The following FAM174B variants were observed in gnomAD, a reference collection of about 807,000 sequenced individuals.
FAM174B encodes the protein family with sequence similarity 174 member B.
Under a neutral mutation model 10.9 loss-of-function variants are expected in FAM174B, and 12 were observed. The observed-to-expected ratio is 1.10, with a 90% CI of 0.71 to 1.79. FAM174B has a LOEUF of 1.79. Among genes scored for constraint, FAM174B ranks in the 40% most tolerant of loss-of-function variants. The pLI, the probability that FAM174B is intolerant of heterozygous loss-of-function variation, is 0.00. For synonymous variants in FAM174B, 132 were observed against 115.8 expected, an observed-to-expected ratio of 1.14 and a Z score of -0.90; for missense variants, 266 against 233.3, an observed-to-expected ratio of 1.14 and a Z score of -0.91.
intron 1 of FAM174B, among the ~76,000 whole-genome samples, chr15:92,647,998 A>G (rs1055184503): frequency 6.6e-6 from 1 of 152,312 alleles, no homozygotes; most frequent in South Asian, 2.1e-4. Context: ...ATTGACTTCA[A>G]GTCTTCAGAC....
intron 1 of FAM174B, among the ~76,000 whole-genome samples, chr15:92,638,903 C>T (rs936208169): frequency 1.6e-4 from 25 of 152,338 alleles, no homozygotes; most frequent in Admixed American, 7.8e-4. Flanking sequence ...GCCCCTCCTG[C>T]GTCATCCACA....
At chr15:92,651,228 C>T (rs937612933) in intron 1 of FAM174B, among the ~76,000 whole-genome samples, 4 of 152,272 alleles carry the variant, frequency 2.6e-5, no homozygotes, top group East Asian at 1.9e-4. Context: ...TACACTGGTG[C>T]CTGCTCAAGG....
chr15:92,619,068 A>G lies in FAM174B; in HGVS notation c.*388T>C. The G allele has an allele frequency of 1.6e-6, 1 of 614,902 alleles. No individual in the cohort carries two copies. The highest frequency in any genetic ancestry group is 2.9e-6 in the Non-Finnish European group (1 of 344,500). The allele number at this position is 614,902 out of a possible 1,614,324, so 38.1% of individuals were successfully genotyped here. On this transcript the variant is annotated 3_prime_UTR_variant, in exon 3 of 3. Transcript: ENST00000327355. ...CTAAATACACAGTTGGACATCCTTC[A>G]GGCTTGTTTTAGATTCTTGATCCTC...
At chr15:92,622,249 G>A (rs1466436552) in intron 2 of FAM174B, among the ~76,000 whole-genome samples, 2 of 152,170 alleles carry the variant, frequency 1.3e-5, no homozygotes, top group Admixed American at 6.5e-5. Context: ...CTTAAGAAAC[G>A]CCCACACATA....
chr15:92,620,488 ACTCCGT>A (rs1482329906), intron 2 of FAM174B, among the ~76,000 whole-genome samples: 1 of 151,778 alleles, frequency 6.6e-6, no homozygotes, highest in Non-Finnish European at 1.5e-5. Context: ...ACAGAGCAAG[ACTCCGT>A]CTCAAAAAAA....
intron 1 of FAM174B, among the ~76,000 whole-genome samples, chr15:92,632,613 A>G (rs924731770): frequency 2.0e-5 from 3 of 151,920 alleles, no homozygotes; most frequent in Admixed American, 1.3e-4. Flanking sequence ...GGGCTTAAGC[A>G]ATCCTTTCGC....
chr15:92,627,850 C>T (rs895538655), intron 2 of FAM174B, among the ~76,000 whole-genome samples: 2 of 152,182 alleles, frequency 1.3e-5, no homozygotes, highest in African/African-American at 4.8e-5. Context: ...TTGTATTTTA[C>T]TTCTTTGTAT....
chr15:92,649,409 C>T (rs2050949733), intron 1 of FAM174B, among the ~76,000 whole-genome samples: 1 of 152,190 alleles, frequency 6.6e-6, no homozygotes, highest in Admixed American at 6.5e-5. Context: ...ACAGATGCAC[C>T]TGCCTGATAA....
chr15:92,641,578 G>T (rs144593423), intron 1 of FAM174B, among the ~76,000 whole-genome samples: 1 of 152,170 alleles, frequency 6.6e-6, no homozygotes, highest in East Asian at 1.9e-4. Flanking sequence ...AGATAGAAAA[G>T]ATATCCACAT....
rs923129636 is a variant in FAM174B, at chr15:92,619,180, A to C, written c.*276T>G. 1.4e-6 allele frequency: 1 copy of C among 702,250 alleles called. No homozygotes were observed. The highest frequency in any genetic ancestry group is 2.6e-6 in the Non-Finnish European group (1 of 384,748). The allele number at this position is 702,250 out of a possible 1,614,324, so 43.5% of individuals were successfully genotyped here. On this transcript the variant is annotated 3_prime_UTR_variant, in exon 3 of 3. Coordinates refer to ENST00000327355, the MANE Select transcript of FAM174B (RefSeq NM_207446.3). ...TCTACCCTTTGCTCCTTAGCAAGGC[A>C]CAAAGCCTCTTACATGGGGAGTAGA...
At chr15:92,644,068 A>C (rs564209769) in intron 1 of FAM174B, among the ~76,000 whole-genome samples, 1 of 152,088 alleles carries the variant, frequency 6.6e-6, no homozygotes, top group African/African-American at 2.4e-5. Flanking sequence ...TCCTCAGGAC[A>C]TAAGAAGTAA....
At chr15:92,622,791 C>T (rs951264764) in intron 2 of FAM174B, among the ~76,000 whole-genome samples, 6 of 152,238 alleles carry the variant, frequency 3.9e-5, no homozygotes, top group Non-Finnish European at 5.9e-5. Flanking sequence ...CTGGGAAGAA[C>T]TTATTGCCCC....
chr15:92,640,979 TAA>T (rs1491538700), intron 1 of FAM174B, among the ~76,000 whole-genome samples: 2 of 152,122 alleles, frequency 1.3e-5, no homozygotes, highest in African/African-American at 4.8e-5. Flanking sequence ...TTAATCTCCT[TAA>T]TATATATATA....
intron 1 of FAM174B, among the ~76,000 whole-genome samples, chr15:92,650,702 T>C (rs2050960783): frequency 6.6e-6 from 1 of 152,234 alleles, no homozygotes; most frequent in African/African-American, 2.4e-5. Flanking sequence ...CCTTGGCTTA[T>C]GTGTATTATC....
intron 2 of FAM174B, among the ~76,000 whole-genome samples, chr15:92,629,107 C>T (rs2050773647): frequency 6.6e-6 from 1 of 152,174 alleles, no homozygotes; most frequent in Non-Finnish European, 1.5e-5. Context: ...TGCTGAGGAA[C>T]ACAGGTGTGG....
chr15:92,653,189 TCTC>T (rs2050978606), intron 1 of FAM174B: 3 of 152,022 alleles, frequency 2.0e-5, no homozygotes, highest in Admixed American at 2.0e-4. Context: ...ATAACCAGCT[TCTC>T]CTATGAAGTC....
chr15:92,652,197 C>A (rs1034078923), intron 1 of FAM174B, among the ~76,000 whole-genome samples: 16 of 152,310 alleles, frequency 1.1e-4, no homozygotes, highest in African/African-American at 3.9e-4. Context: ...AATGCCTAGT[C>A]CTGCTCAGAA....
chr15:92,629,489 G>A (rs1053750669), intron 2 of FAM174B, among the ~76,000 whole-genome samples: 7 of 152,282 alleles, frequency 4.6e-5, no homozygotes, highest in South Asian at 4.1e-4. Context: ...TGACATAAGC[G>A]AGGCTGAAAG....
At chr15:92,637,862 A>C (rs2050866060) in intron 1 of FAM174B, among the ~76,000 whole-genome samples, 1 of 152,170 alleles carries the variant, frequency 6.6e-6, no homozygotes, top group Admixed American at 6.5e-5. Flanking sequence ...CATTTTACTC[A>C]AAGACACACG....
Sources: gnomAD v4.1 joint callset for allele counts (sites outside exome capture counted in the v4.1 genomes callset) on GRCh38, gnomAD v4.1.1 for gene constraint, MANE v1.5 for transcripts, NCBI Gene and HGNC (gene_info 2026-07-23, HGNC 2026-07-21) for gene names.